The following TRMT11 variants were observed in gnomAD, a reference collection of about 807,000 sequenced individuals.
TRMT11 encodes the protein tRNA methyltransferase 11.
Under a neutral mutation model 62.8 loss-of-function variants are expected in TRMT11, and 53 were observed. The ratio of observed to expected loss-of-function variants is 0.84; its 90% CI spans 0.68 to 1.06. TRMT11 has a LOEUF of 1.06. Ranked by LOEUF, TRMT11 falls within the 50% of genes least tolerant of loss-of-function variation. TRMT11 has a pLI of 0.00. For synonymous variants in TRMT11, 188 were observed against 190.3 expected, an observed-to-expected ratio of 0.99 and a Z score of 0.10; for missense variants, 556 against 553.4, an observed-to-expected ratio of 1.00 and a Z score of -0.05.
chr6:126,195,492 A>T (rs1338072319), intron 1 of TRMT11, among the ~76,000 whole-genome samples: 1 of 152,252 alleles, frequency 6.6e-6, no homozygotes, highest in African/African-American at 2.4e-5. Flanking sequence ...ATAAAAGGAA[A>T]AGTGTAAAAA....
intron 17 of TRMT11, among the ~76,000 whole-genome samples, chr6:126,098,260 G>T (rs993192213): frequency 6.6e-6 from 1 of 152,128 alleles, no homozygotes; most frequent in Non-Finnish European, 1.5e-5. Context: ...GCGCTGCACA[G>T]CTCTCCCACA....
chr6:126,108,848 A>G (rs1376317371), intron 17 of TRMT11, among the ~76,000 whole-genome samples: 2 of 152,144 alleles, frequency 1.3e-5, no homozygotes, highest in Non-Finnish European at 1.5e-5. Flanking sequence ...GCTAATGGCT[A>G]GTGATGTGGA....
At chr6:126,148,388 C>T (rs892652427) in intron 21 of TRMT11, among the ~76,000 whole-genome samples, 2 of 152,152 alleles carry the variant, frequency 1.3e-5, no homozygotes, top group Admixed American at 6.5e-5. Flanking sequence ...TAATTACATG[C>T]GTTCTTTCTC....
At chr6:126,067,519 G>T (rs890631407) in intron 17 of TRMT11, among the ~76,000 whole-genome samples, 1 of 152,166 alleles carries the variant, frequency 6.6e-6, no homozygotes, top group African/African-American at 2.4e-5. Context: ...GTTTATTCAT[G>T]TTCTTTGTTG....
chr6:126,224,785 C>T, the TRMT11 span, among the ~76,000 whole-genome samples: 1 of 152,184 alleles, frequency 6.6e-6, no homozygotes, highest in Non-Finnish European at 1.5e-5. Context: ...AAGGTTGGTG[C>T]ACATGCCAGT....
At chr6:126,159,090 T>G (rs1778157997) in intron 21 of TRMT11, among the ~76,000 whole-genome samples, 1 of 151,854 alleles carries the variant, frequency 6.6e-6, no homozygotes, top group African/African-American at 2.4e-5. Flanking sequence ...AAATGTCTGT[T>G]TTCTCCTCCT....
chr6:126,254,145 T>G, the TRMT11 span, among the ~76,000 whole-genome samples: 1 of 152,238 alleles, frequency 6.6e-6, no homozygotes, highest in African/African-American at 2.4e-5. Flanking sequence ...TCCTTCAGCA[T>G]CATCTTTAGT....
intron 1 of TRMT11, among the ~76,000 whole-genome samples, chr6:125,992,234 T>C (rs1790743144): frequency 6.6e-6 from 1 of 152,214 alleles, no homozygotes. Context: ...GCCATAAAAC[T>C]TTAATCTTTC....
intron 1 of TRMT11, among the ~76,000 whole-genome samples, chr6:126,179,453 CATGTGACAG>C (rs1778430368): frequency 6.6e-6 from 1 of 152,140 alleles, no homozygotes; most frequent in Admixed American, 6.6e-5. Flanking sequence ...AAATCAGCAG[CATGTGACAG>C]TGTTGATCCT....
chr6:126,116,998 A>G (rs1777594784), intron 21 of TRMT11, among the ~76,000 whole-genome samples: 1 of 152,106 alleles, frequency 6.6e-6, no homozygotes, highest in South Asian at 2.1e-4. Context: ...GTAAAGAAAA[A>G]CTAGGCCTTG....
At chr6:126,236,170 A>G in the TRMT11 span, among the ~76,000 whole-genome samples, 1 of 152,362 alleles carries the variant, frequency 6.6e-6, no homozygotes, top group Admixed American at 6.5e-5. Context: ...TTGACATTGT[A>G]TAGGAGATAG....
chr6:126,131,085 C>G (rs1777776665), intron 21 of TRMT11, among the ~76,000 whole-genome samples: 1 of 151,992 alleles, frequency 6.6e-6, no homozygotes, highest in Non-Finnish European at 1.5e-5. Flanking sequence ...CAGACATAGA[C>G]AAACACATTT....
At chr6:126,104,498 G>A (rs1005818290) in intron 17 of TRMT11, among the ~76,000 whole-genome samples, 3 of 152,268 alleles carry the variant, frequency 2.0e-5, no homozygotes, top group African/African-American at 7.2e-5. Context: ...CATACAGGTG[G>A]GCCCAGTTAA....
the TRMT11 span, among the ~76,000 whole-genome samples, chr6:126,234,761 G>A: frequency 1.5e-4 from 23 of 152,212 alleles, no homozygotes; most frequent in African/African-American, 4.6e-4. Flanking sequence ...CTTTATTCAT[G>A]CTTTCTTCTA....
chr6:126,108,401 T>C (rs1311490852), intron 17 of TRMT11, among the ~76,000 whole-genome samples: 3 of 152,232 alleles, frequency 2.0e-5, no homozygotes, highest in African/African-American at 4.8e-5. Flanking sequence ...ATATTTGACC[T>C]AATAATACTA....
At chr6:126,141,480 T>G (rs1777915958) in intron 21 of TRMT11, among the ~76,000 whole-genome samples, 1 of 152,118 alleles carries the variant, frequency 6.6e-6, no homozygotes, top group Non-Finnish European at 1.5e-5. Context: ...CATGAATATA[T>G]AGGTTGTACT....
chr6:126,148,437 G>T (rs993726931), intron 21 of TRMT11, among the ~76,000 whole-genome samples: 9 of 152,100 alleles, frequency 5.9e-5, no homozygotes, highest in Non-Finnish European at 1.0e-4. Flanking sequence ...TATAATGAAG[G>T]TTCCCCTGGT....
chr6:126,213,287 T>C, the TRMT11 span, among the ~76,000 whole-genome samples: 58 of 152,250 alleles, frequency 3.8e-4, no homozygotes, highest in African/African-American at 1.3e-3. Flanking sequence ...TTTAGGGCTT[T>C]TCTTTTTCTA....
intron 21 of TRMT11, among the ~76,000 whole-genome samples, chr6:126,146,331 T>A (rs1404704661): frequency 6.6e-6 from 1 of 152,166 alleles, no homozygotes; most frequent in Non-Finnish European, 1.5e-5. Flanking sequence ...TCATGAGACA[T>A]GTTTTGTGTG....
Sources: allele counts gnomAD v4.1 joint callset (sites outside exome capture counted in the v4.1 genomes callset), GRCh38; gene constraint gnomAD v4.1.1; transcripts MANE v1.5; gene names NCBI Gene and HGNC (gene_info 2026-07-23, HGNC 2026-07-21).